The following CSMD1 variants were observed in gnomAD, a reference collection of about 807,000 sequenced individuals.
CSMD1 encodes the protein CUB and Sushi multiple domains 1, also known as CUB and sushi domain-containing protein 1.
A neutral mutation model predicts 417.5 loss-of-function variants in CSMD1; 213 were observed. The ratio of observed to expected loss-of-function variants is 0.51; its 90% CI spans 0.46 to 0.57. CSMD1 has a LOEUF of 0.57. CSMD1 is among the 20% of genes least tolerant of loss of function. The pLI is 0.00. For synonymous variants in CSMD1, 2,862 were observed against 1,736.8 expected, an observed-to-expected ratio of 1.65 and a Z score of -16.11; for missense variants, 6,923 against 4,529.7, an observed-to-expected ratio of 1.53 and a Z score of -15.17.
chr8:3,574,929 G>A lies in CSMD1; in HGVS notation c.1344+16C>T, dbSNP rs1477162602. ...GCTGTGTGCATTAACCACAGGGGTTGGAGGCGGAGCCTTACCTTGTCCGGG... is the reference window on the plus strand; with the variant it reads ...GCTGTGTGCATTAACCACAGGGGTTAGAGGCGGAGCCTTACCTTGTCCGGG... On this transcript the variant is annotated intron_variant, in intron 10 of 69. Coordinates refer to ENST00000635120, the MANE Select transcript of CSMD1 (RefSeq NM_033225.6). 4 of 1,611,142 alleles carry A rather than the reference G, an allele frequency of 2.5e-6. No individual in the cohort carries two copies. Among genetic ancestry groups the A allele is most frequent in the Admixed American group, 3.3e-5 (2 of 59,928 alleles).
rs747915797 is a variant in CSMD1, at chr8:3,348,076, A to G, written c.3390T>C (p.Cys1130=). Residue 1130 remains cysteine (C), a synonymous_variant, in exon 22 of 70, where the codon TGT becomes TGC. Transcript: ENST00000635120. ...FPSNYDNNHE[C]IYKIETEAGK... is the part of the protein sequence containing the mutation. Reference sequence around the variant, plus strand: ...CGGCTTCTGTTTCTATTTTATAGATACACTCATGGTTATTATCATAATTGG... The same window carrying G: ...CGGCTTCTGTTTCTATTTTATAGATGCACTCATGGTTATTATCATAATTGG... The G allele has an allele frequency of 2.5e-6, 4 of 1,612,830 alleles. No homozygotes were observed. Among genetic ancestry groups the G allele is most frequent in the Non-Finnish European group, 2.5e-6 (3 of 1,179,232 alleles).
Position 3,406,215 on chromosome 8 carries a change from C to T in CSMD1, c.2078G>A (p.Gly693Asp), listed in dbSNP as rs201932026. 566 of 1,594,654 alleles carry T rather than the reference C, an allele frequency of 3.5e-4. No individual in the cohort carries two copies. The highest frequency in any genetic ancestry group is 4.5e-4 in the Non-Finnish European group (527 of 1,171,640). ...RGFNITYTTF[G>D]QNECHDPGIP... The stretch of plus-strand genomic sequence containing the variant: ...GCCAGGATCATGGCACTCATTCTGA[C>T]CAAATGCTGAAAGAAAAAGAAGAAG... Residue 693 changes from glycine (G) to aspartate (D), a missense_variant, in exon 15 of 70, where the codon GGT becomes GAT. By Grantham distance (94) the Gly-to-Asp change is moderately conservative. Coordinates refer to ENST00000635120, the MANE Select transcript of CSMD1 (RefSeq NM_033225.6).
At chr8:3,887,763 C>T (rs1043627613) in intron 5 of CSMD1, among the ~76,000 whole-genome samples, 1 of 152,166 alleles carries the variant, frequency 6.6e-6, no homozygotes, top group Non-Finnish European at 1.5e-5. Flanking sequence ...TAATATCTCC[C>T]TAAATGAACT....
chr8:4,003,344 G>A (rs903892309), intron 4 of CSMD1, among the ~76,000 whole-genome samples: 1 of 152,038 alleles, frequency 6.6e-6, no homozygotes, highest in Non-Finnish European at 1.5e-5. Flanking sequence ...AGTGAGCAGA[G>A]ATTGCCCTAC....
chr8:3,448,806 A>G (rs985176337), intron 12 of CSMD1, among the ~76,000 whole-genome samples: 3 of 152,216 alleles, frequency 2.0e-5, no homozygotes, highest in Admixed American at 6.5e-5. Context: ...ATTCTCAGTT[A>G]TATGTCTAAA....
intron 1 of CSMD1, among the ~76,000 whole-genome samples, chr8:4,733,220 A>G (rs1457651403): frequency 1.3e-5 from 2 of 152,210 alleles, no homozygotes; most frequent in Non-Finnish European, 2.9e-5. Context: ...AAACAGACTA[A>G]TTCAAAAAGT....
chr8:3,406,748 T>C (rs142846178), intron 14 of CSMD1, among the ~76,000 whole-genome samples: 7 of 152,324 alleles, frequency 4.6e-5, no homozygotes, highest in Non-Finnish European at 7.3e-5. Flanking sequence ...AGTTAGCATA[T>C]CATAATGTAG....
At chr8:3,921,735 A>C (rs1180066477) in intron 5 of CSMD1, among the ~76,000 whole-genome samples, 1 of 152,148 alleles carries the variant, frequency 6.6e-6, no homozygotes, top group East Asian at 1.9e-4. Context: ...ATAATATAAG[A>C]GTCAGGAAAG....
intron 2 of CSMD1, among the ~76,000 whole-genome samples, chr8:4,475,186 G>A (rs1009785060): frequency 6.6e-6 from 1 of 152,100 alleles, no homozygotes; most frequent in African/African-American, 2.4e-5. Context: ...CTATAATACA[G>A]GGCTGTGAAT....
At chr8:3,277,943 A>G (rs889435097) in intron 26 of CSMD1, among the ~76,000 whole-genome samples, 2 of 152,242 alleles carry the variant, frequency 1.3e-5, no homozygotes, top group African/African-American at 2.4e-5. Context: ...AAAGCTGAGT[A>G]AAAGAAAAGT....
intron 1 of CSMD1, among the ~76,000 whole-genome samples, chr8:4,857,141 C>G (rs570889007): frequency 4.2e-4 from 63 of 151,264 alleles, no homozygotes; most frequent in African/African-American, 1.5e-3. Flanking sequence ...TACATGGAAA[C>G]TGAACAACCT....
intron 11 of CSMD1, among the ~76,000 whole-genome samples, chr8:3,476,975 G>C (rs1252103335): frequency 1.3e-5 from 2 of 151,262 alleles, no homozygotes; most frequent in Admixed American, 6.6e-5. Flanking sequence ...GGGGGAGCCT[G>C]TCAACACAAA....
intron 2 of CSMD1, among the ~76,000 whole-genome samples, chr8:4,626,886 G>C (rs762527494): frequency 9.9e-5 from 15 of 152,108 alleles, no homozygotes; most frequent in Non-Finnish European, 1.8e-4. Context: ...TGAAATACTT[G>C]CCTTTTCGAT....
intron 23 of CSMD1, among the ~76,000 whole-genome samples, chr8:3,327,177 G>A (rs1163431088): frequency 6.7e-6 from 1 of 149,242 alleles, no homozygotes; most frequent in African/African-American, 2.5e-5. Flanking sequence ...GACTCTCTCT[G>A]TCACCCAGGC....
chr8:4,312,333 G>T (rs564241627), intron 3 of CSMD1, among the ~76,000 whole-genome samples: 72 of 148,544 alleles, frequency 4.8e-4, no homozygotes, highest in African/African-American at 1.8e-3. Flanking sequence ...TTTTTTAAAA[G>T]CAATTTAAAC....
At chr8:4,763,070 T>C (rs971569134) in intron 1 of CSMD1, among the ~76,000 whole-genome samples, 2 of 152,128 alleles carry the variant, frequency 1.3e-5, no homozygotes, top group Admixed American at 6.5e-5. Context: ...TAACATCCAG[T>C]GTCAAAAATT....
intron 7 of CSMD1, among the ~76,000 whole-genome samples, chr8:3,697,586 C>G (rs1316937943): frequency 1.3e-5 from 2 of 152,040 alleles, no homozygotes; most frequent in Non-Finnish European, 2.9e-5. Flanking sequence ...GATTTTATTA[C>G]AAGAATATAG....
At chr8:3,673,620 T>G (rs1799203945) in intron 7 of CSMD1, among the ~76,000 whole-genome samples, 1 of 152,246 alleles carries the variant, frequency 6.6e-6, no homozygotes, top group Non-Finnish European at 1.5e-5. Context: ...CTCAGCCTGT[T>G]TGACCTAACG....
intron 50 of CSMD1, among the ~76,000 whole-genome samples, chr8:3,049,676 T>C (rs1170630894): frequency 1.3e-5 from 2 of 152,108 alleles, no homozygotes; most frequent in African/African-American, 2.4e-5. Context: ...TTAAGTGTGA[T>C]ACTATCATGG....
Sources: gnomAD v4.1 joint callset for allele counts (sites outside exome capture counted in the v4.1 genomes callset) on GRCh38, gnomAD v4.1.1 for gene constraint, MANE v1.5 for transcripts, NCBI Gene and HGNC (gene_info 2026-07-23, HGNC 2026-07-21) for gene names.